KCTD19: variants seen among roughly 807,000 people sequenced by gnomAD.
The protein encoded by KCTD19 is potassium channel tetramerization domain containing 19.
KCTD19 carries 67 observed loss-of-function variants against 103.5 expected under a neutral mutation model. That is an observed-to-expected ratio of 0.65 (90% CI 0.53 to 0.79). KCTD19 has a LOEUF of 0.79. KCTD19 is among the 30% of genes least tolerant of loss of function. The pLI, the probability that KCTD19 is intolerant of heterozygous loss-of-function variation, is 0.00. For synonymous variants in KCTD19, 439 were observed against 452.2 expected (o/e 0.97, Z 0.37); for missense variants, 980 against 1,136.1 (o/e 0.86, Z 1.98).
rs762202963 is a variant in KCTD19, at chr16:67,303,119, C to G, written c.643+27G>C. The G allele has an allele frequency of 1.4e-5, 7 of 486,818 alleles. No individual in the cohort carries two copies. Among genetic ancestry groups the G allele is most frequent in the South Asian group, 1.2e-4 (7 of 59,162 alleles). The allele number at this position is 486,818 out of a possible 1,614,324, so 30.2% of individuals were successfully genotyped here. ...TGAATGGGCCCTATCAGCCCGCCCC[C>G]CACCCCACCCCGGACAGAGCAATCA... On this transcript the variant is annotated intron_variant, in intron 4 of 15. Coordinates refer to ENST00000304372, the MANE Select transcript of KCTD19 (RefSeq NM_001100915.3). This position sits in a 1 kb window ranked among gnomAD's most constrained non-coding sequence, Gnocchi z 4.3.
In KCTD19 at chr16:67,294,139, G is replaced by C; in HGVS notation, c.1623C>G (p.Asp541Glu). 9 of 1,608,996 alleles carry C rather than the reference G, an allele frequency of 5.6e-6. No individual in the cohort carries two copies. The highest frequency in any genetic ancestry group is 7.7e-6 in the Non-Finnish European group (9 of 1,175,726). The change falls in exon 12 of 16, where the codon GAC (aspartate) becomes GAG (glutamate). Residue 541 changes from aspartate to glutamate, a missense_variant. Physicochemically the swap from Asp to Glu is conservative, Grantham distance 45. Coordinates refer to ENST00000304372, the MANE Select transcript of KCTD19 (RefSeq NM_001100915.3). ...TGTTCCATGGAGTCCTGTCACTGCA[G>C]TCTTCGAAGTCCACAGGCATGTAGG... Reference protein sequence around the residue: ...TTAYMPVDFEDCSDRTPWNKA... With the variant: ...TTAYMPVDFEECSDRTPWNKA...
intron 1 of KCTD19, 110 bp downstream of exon 1, chr16:67,326,595 C>T (rs1397550245): frequency 6.9e-7 from 1 of 1,457,808 alleles, no homozygotes; most frequent in African/African-American, 1.5e-5. Flanking sequence ...CTCGCTCTCT[C>T]CCATGCCCCA....
At chr16:67,294,305 C>A in intron 11 of KCTD19, 134 bp from the exon 12 acceptor site, 1 of 1,025,672 alleles carries the variant, frequency 9.7e-7, no homozygotes, top group East Asian at 2.4e-5. Context: ...CAGGGGTCAC[C>A]CATTTGAGCT....
Position 67,296,188 on chromosome 16 carries a change from A to G in KCTD19, c.1219T>C (p.Tyr407His). 1 of 1,613,200 alleles carries G rather than the reference A, an allele frequency of 6.2e-7. No individual in the cohort carries two copies. The highest frequency in any genetic ancestry group is 8.5e-7 in the Non-Finnish European group (1 of 1,179,118). ...AGCAGTGTCTGCAGGGTGGTTGCGT[A>G]CCAGTGGCTTCCAACATACACTTTG... The part of the protein sequence containing the change: ...IIKVYVGSHW[Y>H]ATTLQTLLKY... Residue 407 changes from tyrosine (Y) to histidine (H), a missense_variant, in exon 8 of 16, where the codon TAC becomes CAC. Physicochemically the swap from Tyr to His is moderately conservative, Grantham distance 83 (BLOSUM62 2). Coordinates refer to ENST00000304372, the MANE Select transcript of KCTD19 (RefSeq NM_001100915.3).
At chr16:67,311,745 G>C (rs1290622690) in intron 2 of KCTD19, among the ~76,000 whole-genome samples, 1 of 151,974 alleles carries the variant, frequency 6.6e-6, no homozygotes, top group African/African-American at 2.4e-5. Flanking sequence ...GCATGTGTAT[G>C]TGGCCTTGCC....
At chr16:67,301,368 C>T (rs879835745) in intron 5 of KCTD19, 7 of 159,300 alleles carry the variant, frequency 4.4e-5, no homozygotes, top group Non-Finnish European at 9.6e-5. Flanking sequence ...CTGAGCATTT[C>T]CCACACCTCC....
At chr16:67,308,844 G>A (rs2036921059) in intron 2 of KCTD19, among the ~76,000 whole-genome samples, 1 of 152,082 alleles carries the variant, frequency 6.6e-6, no homozygotes, top group African/African-American at 2.4e-5. Context: ...CATGAAAATG[G>A]AGGGCTAGCC....
rs776552397 is a variant in KCTD19 at position 67,299,451 on chromosome 16, A to G, written c.898T>C (p.Ser300Pro). ...ALGLLVKYPD[S>P]ALGQLRIEST... is the part of the protein sequence containing the mutation. ...TCGATGCGAAGCTGGCCCAGCGCAG[A>G]GTCCGGGTACTTGACCAGCAGACCC... Residue 300 changes from serine (S) to proline (P), a missense_variant, in exon 6 of 16, where the codon TCT becomes CCT. Transcript: ENST00000304372. 1.3e-5 allele frequency: 21 copies of G among 1,614,108 alleles called. No homozygotes were observed. The highest frequency in any genetic ancestry group is 1.6e-5 in the Non-Finnish European group (19 of 1,180,040).
chr16:67,309,241 A>G (rs767820147), intron 2 of KCTD19, among the ~76,000 whole-genome samples: 1 of 152,224 alleles, frequency 6.6e-6, no homozygotes, highest in Non-Finnish European at 1.5e-5. Flanking sequence ...AGAAGCGAAC[A>G]GAGAAGTAGA....
chr16:67,301,865 A>G lies in KCTD19; in HGVS notation c.701T>C (p.Val234Ala). 1 of 1,612,968 alleles carries G rather than the reference A, an allele frequency of 6.2e-7. No homozygotes were observed. The highest frequency in any genetic ancestry group is 8.5e-7 in the Non-Finnish European group (1 of 1,178,978). The change falls in exon 5 of 16, where the codon GTA (valine) becomes GCA (alanine). Residue 234 changes from valine (V) to alanine (A), a missense_variant. Transcript: ENST00000304372. The part of the protein sequence containing the change: ...LLPDNFSNID[V>A]LEAEVEILEI... ...CAGAATTTCCACTTCTGCTTCTAAT[A>G]CATCAATGTTGGAGAAATTATCCGG...
chr16:67,319,122 C>G (rs1347829352), intron 2 of KCTD19, among the ~76,000 whole-genome samples: 1 of 151,744 alleles, frequency 6.6e-6, no homozygotes, highest in African/African-American at 2.4e-5. Flanking sequence ...ACTCAGGAGG[C>G]TGAGGCAGGA....
chr16:67,303,207 C>G lies in KCTD19; in HGVS notation c.582G>C (p.Leu194=). 1 of 1,613,616 alleles carries G rather than the reference C, an allele frequency of 6.2e-7. No individual in the cohort carries two copies. Among genetic ancestry groups the G allele is most frequent in the East Asian group, 2.2e-5 (1 of 44,846 alleles). ...KYPSLVTEDN[L]LWLAETVALI... ...GGGCCACCGTCTCAGCCAGCCACAG[C>G]AGGTTGTCTTCAGTCACTAGGCTGG... Residue 194 remains leucine (L), a synonymous_variant, in exon 4 of 16, where the codon CTG becomes CTC. Transcript: ENST00000304372. This position sits in a 1 kb window ranked among gnomAD's most constrained non-coding sequence, Gnocchi z 4.3.
In KCTD19 at chr16:67,295,295, T is replaced by A. The variant is rs774258294; in HGVS notation, c.1359A>T (p.Arg453Ser). The A allele has an allele frequency of 6.2e-7, 1 of 1,614,210 alleles. No homozygotes were observed. The highest frequency in any genetic ancestry group is 8.5e-7 in the Non-Finnish European group (1 of 1,180,040). ...QMFRHILNFL[R>S]LGKLFLPSEF... Reference sequence around the variant, plus strand: ...CAGATGGTAAAAACAGTTTGCCAAGTCTCAGGAAGTTGAGAATGTGTCGGA... The same window carrying A: ...CAGATGGTAAAAACAGTTTGCCAAGACTCAGGAAGTTGAGAATGTGTCGGA... The change falls in exon 9 of 16, where the codon AGA becomes AGT. Residue 453 changes from arginine (R) to serine (S), a missense_variant. By Grantham distance (110) the Arg-to-Ser change is moderately radical. Transcript: ENST00000304372.
At position 67,299,559 on chromosome 16, in the gene KCTD19, T is replaced by A; in HGVS notation, c.790A>T (p.Thr264Ser). Residue 264 changes from threonine (T) to serine (S), a missense_variant, in exon 6 of 16, where the codon ACC (threonine) becomes TCC (serine). Thr to Ser is a moderately conservative substitution (Grantham distance 58). Coordinates refer to ENST00000304372, the MANE Select transcript of KCTD19 (RefSeq NM_001100915.3). ...CCGGGGCTCAGGGGAGAACAGGTGG[T>A]CGGGGAACAGCCACCTGTGTCAGAG... ...YRMNMGGCSPTTCSPLSPGKG... is the reference protein window; with the variant it reads ...YRMNMGGCSPSTCSPLSPGKG... 3 of 1,612,172 alleles carry A rather than the reference T, an allele frequency of 1.9e-6. No individual in the cohort carries two copies. Among genetic ancestry groups the A allele is most frequent in the Non-Finnish European group, 2.5e-6 (3 of 1,179,722 alleles).
chr16:67,295,317 C>T lies in KCTD19; in HGVS notation c.1337G>A (p.Arg446Gln), dbSNP rs371490003. The change falls in exon 9 of 16, where the codon CGA becomes CAA. Residue 446 changes from arginine (R) to glutamine (Q), a missense_variant. Coordinates refer to ENST00000304372, the MANE Select transcript of KCTD19 (RefSeq NM_001100915.3). ...LLIHGDGQMF[R>Q]HILNFLRLGK... ...AAGTCTCAGGAAGTTGAGAATGTGT[C>T]GGAACATCTGGCCATCCCCGTGGAT... is the stretch of plus-strand genomic sequence containing the variant. 63 of 1,613,984 alleles carry T rather than the reference C, an allele frequency of 3.9e-5. No homozygotes were observed. The African/African-American group carries it at 6.5e-4, about 17-fold the overall frequency.
At chr16:67,322,912 T>G (rs992978654) in intron 1 of KCTD19, among the ~76,000 whole-genome samples, 1 of 151,908 alleles carries the variant, frequency 6.6e-6, no homozygotes, top group Admixed American at 6.6e-5. Flanking sequence ...AATAGACATC[T>G]CTCCAAAGAA....
chr16:67,295,236 A>G, intron 9 of KCTD19, 27 bp downstream of exon 9: 8 of 1,611,848 alleles, frequency 5.0e-6, no homozygotes, highest in Non-Finnish European at 5.9e-6. Context: ...TCGTGATTTC[A>G]TCTTACTGCG....
chr16:67,325,584 C>T (rs901234377), intron 1 of KCTD19, among the ~76,000 whole-genome samples: 1 of 151,944 alleles, frequency 6.6e-6, no homozygotes, highest in Admixed American at 6.6e-5. Flanking sequence ...CAAGAGGGTC[C>T]TGGCTCCTTC....
intron 2 of KCTD19, among the ~76,000 whole-genome samples, chr16:67,315,905 C>T (rs1042770227): frequency 1.3e-5 from 2 of 152,062 alleles, no homozygotes; most frequent in African/African-American, 2.4e-5. Context: ...TGAGCCACCG[C>T]GTCTGGCCTA....
Sources: gnomAD v4.1 joint callset for allele counts (sites outside exome capture counted in the v4.1 genomes callset) on GRCh38, gnomAD v4.1.1 for gene constraint, Gnocchi (gnomAD v3.1) non-coding constraint, MANE v1.5 for transcripts, NCBI Gene and HGNC (gene_info 2026-07-23, HGNC 2026-07-21) for gene names.